Variants in GABRB1 observed in about 807,000 individuals in gnomAD.
GABRB1 encodes the protein gamma-aminobutyric acid receptor subunit beta-1.
GABRB1 carries 17 observed loss-of-function variants against 51.6 expected under a neutral mutation model. The ratio of observed to expected loss-of-function variants is 0.33; its 90% CI spans 0.23 to 0.49. The LOEUF is 0.49. Among genes scored for constraint, GABRB1 ranks in the 20% least tolerant of loss-of-function variants. The pLI is 0.99. For synonymous variants in GABRB1, 247 were observed against 218.9 expected, an observed-to-expected ratio of 1.13 and a Z score of -1.14; for missense variants, 410 against 600.6, an observed-to-expected ratio of 0.68 and a Z score of 3.32.
chr4:47,020,170 A>G (rs1368766903), intron 1 of GABRB1, among the ~76,000 whole-genome samples: 2 of 151,998 alleles, frequency 1.3e-5, no homozygotes, highest in Non-Finnish European at 1.5e-5. Context: ...TCCACTGTGC[A>G]TGAGCATGTA....
intron 4 of GABRB1, among the ~76,000 whole-genome samples, chr4:47,207,561 G>T (rs1476680224): frequency 6.6e-6 from 1 of 151,988 alleles, no homozygotes; most frequent in Admixed American, 6.6e-5. Flanking sequence ...ACTAGATATT[G>T]ACCAACGGTA....
rs36118087 is a variant in GABRB1, at chr4:47,045,442, T to TATC, written c.240+13002_240+13004dup. Among the ~76,000 whole-genome samples, 193 of 149,456 alleles carry TATC rather than the reference T, an allele frequency of 1.3e-3. 1 individual carries two copies. Among genetic ancestry groups the TATC allele is most frequent in the Middle Eastern group, 6.8e-3 (2 of 292 alleles). ...CATTTTAAAGCATAGTATTCTCCTT[T>TATC]ATCATCATCATCATCATCATCATCA... is the stretch of plus-strand genomic sequence containing the variant. On this transcript the variant is annotated intron_variant, in intron 3 of 8. Coordinates refer to ENST00000295454, the MANE Select transcript of GABRB1 (RefSeq NM_000812.4).
chr4:47,232,042 T>A (rs1472998916), intron 4 of GABRB1, among the ~76,000 whole-genome samples: 1 of 152,212 alleles, frequency 6.6e-6, no homozygotes, highest in Non-Finnish European at 1.5e-5. Flanking sequence ...GGGAGCAAGC[T>A]GTAAATATGA....
intron 4 of GABRB1, among the ~76,000 whole-genome samples, chr4:47,225,596 C>T (rs1026533283): frequency 6.6e-6 from 1 of 152,052 alleles, no homozygotes; most frequent in Non-Finnish European, 1.5e-5. Flanking sequence ...CTAGCTATCT[C>T]AATCACAGAA....
At chr4:47,242,674 A>ATAATG (rs1721572614) in intron 4 of GABRB1, among the ~76,000 whole-genome samples, 1 of 152,208 alleles carries the variant, frequency 6.6e-6, no homozygotes, top group Non-Finnish European at 1.5e-5. Context: ...TGTTGGCTGA[A>ATAATG]TAATGTCTTC....
chr4:46,997,639 C>A (rs1184226784), intron 1 of GABRB1, among the ~76,000 whole-genome samples: 1 of 151,902 alleles, frequency 6.6e-6, no homozygotes, highest in Non-Finnish European at 1.5e-5. Context: ...ATTTCACTTA[C>A]TATATGTCCT....
chr4:47,100,410 C>A (rs777288715), intron 3 of GABRB1, among the ~76,000 whole-genome samples: 21 of 152,012 alleles, frequency 1.4e-4, no homozygotes, highest in Non-Finnish European at 2.6e-4. Flanking sequence ...GGAAAAGGAA[C>A]AATGTGGTGT....
intron 4 of GABRB1, among the ~76,000 whole-genome samples, chr4:47,233,186 TTGTC>T (rs1314550686): frequency 6.6e-6 from 1 of 152,188 alleles, no homozygotes; most frequent in African/African-American, 2.4e-5. Flanking sequence ...TGATAATCTT[TTGTC>T]TATGTTTTCA....
chr4:47,006,397 A>G (rs1045449262), intron 1 of GABRB1, among the ~76,000 whole-genome samples: 3 of 152,332 alleles, frequency 2.0e-5, no homozygotes, highest in South Asian at 4.1e-4. Flanking sequence ...AAAATTAAAA[A>G]TGTTTTCAAA....
chr4:47,113,073 T>G (rs777221897), intron 3 of GABRB1, among the ~76,000 whole-genome samples: 2 of 152,002 alleles, frequency 1.3e-5, no homozygotes, highest in Non-Finnish European at 2.9e-5. Context: ...ACCCCAAAAA[T>G]GCTGAATGTC....
chr4:47,349,392 G>A lies in GABRB1; in HGVS notation c.544+29183G>A, dbSNP rs576490249. ...TGGAGTGTTGAGTCACAGAGGCCAA[G>A]GAAAGAAAGGACAGTAGTACCTCCC... On this transcript the variant is annotated intron_variant, in intron 5 of 8. Transcript: ENST00000295454. Among the ~76,000 whole-genome samples, 34 of 152,204 alleles carry A rather than the reference G, an allele frequency of 2.2e-4. No homozygotes were observed. The East Asian group carries it at 6.2e-3, about 28-fold the overall frequency.
intron 3 of GABRB1, among the ~76,000 whole-genome samples, chr4:47,091,601 T>C (rs573382785): frequency 1.3e-5 from 2 of 152,156 alleles, no homozygotes; most frequent in African/African-American, 4.8e-5. Context: ...CCCCAGAAGT[T>C]GCTCCAGCTT....
chr4:47,365,241 C>T (rs921998727), intron 5 of GABRB1, among the ~76,000 whole-genome samples: 32 of 152,188 alleles, frequency 2.1e-4, no homozygotes, highest in Admixed American at 2.0e-3. Flanking sequence ...TTAAGAGACA[C>T]AGACAGAAGC....
chr4:47,394,481 C>CCTGA (rs1414613519), intron 5 of GABRB1, among the ~76,000 whole-genome samples: 1 of 128,144 alleles, frequency 7.8e-6, no homozygotes, highest in Non-Finnish European at 1.7e-5. Context: ...GGCACGAGAA[C>CCTGA]CTGACTGAAT....
chr4:47,053,326 G>A (rs1726440860), intron 3 of GABRB1, among the ~76,000 whole-genome samples: 1 of 152,110 alleles, frequency 6.6e-6, no homozygotes, highest in African/African-American at 2.4e-5. Flanking sequence ...CCAAGATGAA[G>A]GCACCAGCAG....
chr4:47,013,139 C>CTGTGTGTGTGTG (rs59902564), intron 1 of GABRB1, among the ~76,000 whole-genome samples: 195 of 149,110 alleles, frequency 1.3e-3, no homozygotes, highest in African/African-American at 4.0e-3. Context: ...AAATTGCATT[C>CTGTGTGTGTGTG]TGTGTGTGTG....
intron 5 of GABRB1, among the ~76,000 whole-genome samples, chr4:47,327,310 G>A (rs1346322935): frequency 1.4e-5 from 2 of 147,210 alleles, no homozygotes; most frequent in East Asian, 4.0e-4. Flanking sequence ...GGGCAACATA[G>A]TGAAACCGTA....
chr4:47,280,838 T>TA (rs1723267163), intron 4 of GABRB1, among the ~76,000 whole-genome samples: 1 of 149,082 alleles, frequency 6.7e-6, no homozygotes, highest in African/African-American at 2.5e-5. Context: ...TTTTTTTTTT[T>TA]AGAAATGAGT....
chr4:46,999,550 T>C (rs942543641), intron 1 of GABRB1, among the ~76,000 whole-genome samples: 2 of 152,032 alleles, frequency 1.3e-5, no homozygotes, highest in Admixed American at 1.3e-4. Flanking sequence ...ACAATTAAAA[T>C]AAGGAAATAA....
Sources: allele counts gnomAD v4.1 joint callset (sites outside exome capture counted in the v4.1 genomes callset), GRCh38; gene constraint gnomAD v4.1.1; transcripts MANE v1.5; gene names NCBI Gene and HGNC (gene_info 2026-07-23, HGNC 2026-07-21).